The following MTRF1 variants were observed in gnomAD, a reference collection of about 807,000 sequenced individuals.
MTRF1 encodes the protein mitochondrial translation release factor 1, also known as peptide chain release factor 1, mitochondrial.
Under a neutral mutation model 62.9 loss-of-function variants are expected in MTRF1, and 51 were observed. That is an observed-to-expected ratio of 0.81 (90% CI 0.65 to 1.02). MTRF1 has a LOEUF of 1.02. Ranked by LOEUF, MTRF1 falls within the 50% of genes least tolerant of loss-of-function variation. The pLI is 0.00. For missense variants in MTRF1, 446 were observed against 530.0 expected (o/e 0.84, Z 1.56); for synonymous variants, 158 against 181.9 (o/e 0.87, Z 1.06).
At chr13:41,299,322 A>G in the MTRF1 span, among the ~76,000 whole-genome samples, 1 of 152,356 alleles carries the variant, frequency 6.6e-6, no homozygotes, top group East Asian at 1.9e-4. Flanking sequence ...TGGCTTTATC[A>G]CAACCTCTTT....
At chr13:41,253,511 G>A (rs2039337478) in intron 3 of MTRF1, among the ~76,000 whole-genome samples, 1 of 152,164 alleles carries the variant, frequency 6.6e-6, no homozygotes, top group African/African-American at 2.4e-5. Context: ...CTATGTTGAG[G>A]GCTCCCAAGA....
intron 5 of MTRF1, among the ~76,000 whole-genome samples, chr13:41,244,465 T>C (rs2037971841): frequency 6.6e-6 from 1 of 152,224 alleles, no homozygotes; most frequent in African/African-American, 2.4e-5. Flanking sequence ...AAGAGTTCTC[T>C]GGAAATATAG....
chr13:41,308,920 T>C, the MTRF1 span, among the ~76,000 whole-genome samples: 2 of 152,304 alleles, frequency 1.3e-5, no homozygotes, highest in East Asian at 1.9e-4. Context: ...GTTCCCTTAT[T>C]TGTGTCCATG....
At chr13:41,229,587 AC>A in intron 7 of MTRF1, 1 of 152,338 alleles carries the variant, frequency 6.6e-6, no homozygotes, top group East Asian at 1.9e-4. Flanking sequence ...GGGTGGTTTT[AC>A]AACTTGTAAG....
chr13:41,224,510 A>G (rs1372572191), intron 8 of MTRF1, among the ~76,000 whole-genome samples: 2 of 152,232 alleles, frequency 1.3e-5, no homozygotes, highest in Non-Finnish European at 2.9e-5. Context: ...AACCTCAGAT[A>G]TAATGGATCA....
intron 9 of MTRF1, among the ~76,000 whole-genome samples, chr13:41,219,357 G>C (rs1183374572): frequency 6.6e-6 from 1 of 151,922 alleles, no homozygotes; most frequent in Non-Finnish European, 1.5e-5. Context: ...ATCATCTTTG[G>C]AATTGATGTA....
chr13:41,260,059 G>A (rs2040259984), intron 2 of MTRF1, among the ~76,000 whole-genome samples: 1 of 152,182 alleles, frequency 6.6e-6, no homozygotes, highest in Non-Finnish European at 1.5e-5. Flanking sequence ...AGTACCACGA[G>A]GAGCCTGTTT....
intron 2 of MTRF1, among the ~76,000 whole-genome samples, chr13:41,255,354 T>C (rs113213511): frequency 0.016 from 2,409 of 152,220 alleles, 80 homozygotes; most frequent in African/African-American, 0.054. Flanking sequence ...GTAGCTGAGA[T>C]TACAGGTGCG....
intron 8 of MTRF1, 122 bp downstream of exon 8, chr13:41,226,310 A>G (rs768114954): frequency 2.0e-6 from 2 of 1,017,630 alleles, no homozygotes; most frequent in Non-Finnish European, 2.8e-6. Flanking sequence ...CTTATTTACA[A>G]AGGAGCACAT....
chr13:41,246,284 C>T (rs960194118), intron 5 of MTRF1, among the ~76,000 whole-genome samples: 4 of 151,978 alleles, frequency 2.6e-5, no homozygotes, highest in Non-Finnish European at 4.4e-5. Context: ...CAACTGAATG[C>T]TGTCAATGCT....
At chr13:41,265,927 G>A (rs1430728520), upstream of MTRF1, among the ~76,000 whole-genome samples, 1 of 152,102 alleles carries the variant, frequency 6.6e-6, no homozygotes, top group Non-Finnish European at 1.5e-5. Flanking sequence ...TTGGCTCACT[G>A]CAACTTCTGT....
At chr13:41,262,709 C>A (rs1001391953) in intron 1 of MTRF1, among the ~76,000 whole-genome samples, 5 of 152,074 alleles carry the variant, frequency 3.3e-5, no homozygotes, top group African/African-American at 1.2e-4. Flanking sequence ...ACCTATTGTC[C>A]CAGCTACCCA....
At chr13:41,271,054 T>TACAC in the MTRF1 span, among the ~76,000 whole-genome samples, 1,075 of 143,356 alleles carry the variant, frequency 7.5e-3, 12 homozygotes, top group African/African-American at 0.023. Context: ...GCCTTTTAAA[T>TACAC]ACACACACAC....
the MTRF1 span, among the ~76,000 whole-genome samples, chr13:41,268,982 C>T: frequency 6.7e-6 from 1 of 149,404 alleles, no homozygotes; most frequent in African/African-American, 2.5e-5. Context: ...CCATTCATGA[C>T]ATGCTTGGAC....
At chr13:41,301,746 T>C in the MTRF1 span, among the ~76,000 whole-genome samples, 3 of 147,292 alleles carry the variant, frequency 2.0e-5, no homozygotes, top group Admixed American at 2.0e-4. Context: ...AGACTCCGTC[T>C]CAAAAAAAAA....
chr13:41,250,852 G>A lies in MTRF1; in HGVS notation c.697+1793C>T, dbSNP rs144351839. ...CATTCATCATTATTCTTTCCAAATGGTTTCTGCCTTCCAACTTCTATTCCA... is the reference window on the plus strand; with the variant it reads ...CATTCATCATTATTCTTTCCAAATGATTTCTGCCTTCCAACTTCTATTCCA... On this transcript the variant is annotated intron_variant, in intron 5 of 9. Coordinates refer to ENST00000379480, the MANE Select transcript of MTRF1 (RefSeq NM_004294.4). Among the ~76,000 whole-genome samples the A allele has an allele frequency of 1.0e-3, 158 of 152,240 alleles. 1 individual carries two copies. The highest frequency in any genetic ancestry group is 3.6e-3 in the African/African-American group (150 of 41,528).
intron 5 of MTRF1, among the ~76,000 whole-genome samples, chr13:41,243,238 A>T (rs7318679): frequency 0.64 from 96,964 of 151,014 alleles, 31,359 homozygotes; most frequent in Admixed American, 0.66. Flanking sequence ...AAATAAAATT[A>T]AAAAAAATAA....
chr13:41,258,517 C>A (rs2040005004), intron 2 of MTRF1, among the ~76,000 whole-genome samples: 1 of 146,932 alleles, frequency 6.8e-6, no homozygotes, highest in African/African-American at 2.5e-5. Flanking sequence ...AAGGCTGAGG[C>A]AGGAGGATTG....
At chr13:41,234,060 A>T in intron 6 of MTRF1, 53 bp from the exon 7 acceptor site, 1 of 1,324,100 alleles carries the variant, frequency 7.6e-7, no homozygotes, top group Non-Finnish European at 1.1e-6. Flanking sequence ...TTTAATATAA[A>T]ATCGATTCCA....
Sources: allele counts gnomAD v4.1 joint callset (sites outside exome capture counted in the v4.1 genomes callset), GRCh38; gene constraint gnomAD v4.1.1; transcripts MANE v1.5; gene names NCBI Gene and HGNC (gene_info 2026-07-23, HGNC 2026-07-21).